Variants in NELL1 observed in about 807,000 individuals in gnomAD.
NELL1 encodes protein kinase C-binding protein NELL1.
NELL1 carries 76 observed loss-of-function variants against 107.4 expected under a neutral mutation model. That is an observed-to-expected ratio of 0.71 (90% CI 0.59 to 0.86). The LOEUF (loss-of-function observed/expected upper bound fraction) is 0.86, where lower values mean the gene tolerates loss of function less well. Among genes scored for constraint, NELL1 ranks in the 40% least tolerant of loss-of-function variants. The pLI is 0.00. For missense variants in NELL1, 1,024 were observed against 1,005.5 expected, an observed-to-expected ratio of 1.02 and a Z score of -0.25; for synonymous variants, 353 against 341.2, an observed-to-expected ratio of 1.03 and a Z score of -0.38.
At chr11:20,741,226 G>A (rs1448089509) in intron 2 of NELL1, among the ~76,000 whole-genome samples, 2 of 151,872 alleles carry the variant, frequency 1.3e-5, no homozygotes, top group Non-Finnish European at 2.9e-5. Context: ...GAGCCTTCTC[G>A]CCCCTCATAG....
intron 4 of NELL1, among the ~76,000 whole-genome samples, chr11:20,861,970 A>C (rs1848987158): frequency 1.3e-5 from 2 of 152,234 alleles, no homozygotes; most frequent in South Asian, 4.1e-4. Flanking sequence ...TGCTAATAAC[A>C]GTGGCTGAAA....
chr11:20,726,097 T>A lies in NELL1; in HGVS notation c.184+48037T>A, dbSNP rs550582830. Among the ~76,000 whole-genome samples, 5 of 152,350 alleles carry A rather than the reference T, an allele frequency of 3.3e-5. No individual in the cohort carries two copies. In the East Asian group the frequency reaches 9.6e-4, roughly 29 times the overall value. ...GATTTCGGTCTTTTTTATGACTGCA[T>A]AATATTCCATGGCACATATATACCA... On this transcript the variant is annotated intron_variant, in intron 2 of 19. Coordinates refer to ENST00000357134, the MANE Select transcript of NELL1 (RefSeq NM_006157.5).
intron 15 of NELL1, among the ~76,000 whole-genome samples, chr11:21,533,883 G>A (rs1856059925): frequency 6.6e-6 from 1 of 152,082 alleles, no homozygotes; most frequent in African/African-American, 2.4e-5. Context: ...TTATCTCAAA[G>A]CTTTGCAGGA....
chr11:21,209,652 A>G (rs1857459857), intron 13 of NELL1, among the ~76,000 whole-genome samples: 1 of 152,124 alleles, frequency 6.6e-6, no homozygotes, highest in African/African-American at 2.4e-5. Context: ...GAATTTGATT[A>G]TCTTAAGTGT....
At chr11:20,703,092 T>G (rs893753362) in intron 2 of NELL1, among the ~76,000 whole-genome samples, 1 of 152,230 alleles carries the variant, frequency 6.6e-6, no homozygotes, top group South Asian at 2.1e-4. Context: ...CAGCTCTTGC[T>G]TGTACCTCTG....
At chr11:20,836,855 A>G (rs1013966180) in intron 3 of NELL1, among the ~76,000 whole-genome samples, 5 of 152,240 alleles carry the variant, frequency 3.3e-5, no homozygotes, top group Admixed American at 1.3e-4. Context: ...CAGTGGAACT[A>G]TTGGGTGTAA....
intron 11 of NELL1, among the ~76,000 whole-genome samples, chr11:20,959,306 A>G (rs150055631): frequency 1.1e-3 from 164 of 152,338 alleles, no homozygotes; most frequent in Admixed American, 1.8e-3. Context: ...AATTTGATCC[A>G]GCATTCCCAC....
intron 15 of NELL1, among the ~76,000 whole-genome samples, chr11:21,482,543 C>T (rs1336349088): frequency 6.6e-6 from 1 of 152,142 alleles, no homozygotes; most frequent in East Asian, 1.9e-4. Context: ...AGTTGACGTA[C>T]ATGACATGTA....
At chr11:21,206,322 G>A (rs1286546522) in intron 13 of NELL1, among the ~76,000 whole-genome samples, 1 of 152,028 alleles carries the variant, frequency 6.6e-6, no homozygotes, top group African/African-American at 2.4e-5. Context: ...ATCACAGTGT[G>A]CCTTCTGCTC....
At chr11:21,063,463 T>C (rs1444276179) in intron 12 of NELL1, among the ~76,000 whole-genome samples, 1 of 152,200 alleles carries the variant, frequency 6.6e-6, no homozygotes, top group Non-Finnish European at 1.5e-5. Context: ...CCTCTAATTA[T>C]AGGCTTCTTC....
chr11:21,203,961 G>A (rs1056248852), intron 13 of NELL1, among the ~76,000 whole-genome samples: 1 of 152,170 alleles, frequency 6.6e-6, no homozygotes, highest in African/African-American at 2.4e-5. Context: ...AGCTTGTAGG[G>A]TTTCTTTAGA....
At chr11:21,132,109 G>A (rs1431538075) in intron 13 of NELL1, among the ~76,000 whole-genome samples, 1 of 152,146 alleles carries the variant, frequency 6.6e-6, no homozygotes, top group Non-Finnish European at 1.5e-5. Flanking sequence ...CAGAGCCAAG[G>A]CAGTAACATA....
At chr11:20,769,229 G>A (rs906687010) in intron 2 of NELL1, 5 of 152,470 alleles carry the variant, frequency 3.3e-5, no homozygotes, top group African/African-American at 9.7e-5. Flanking sequence ...ATGGATGAAT[G>A]TTCTTTGAGG....
At chr11:21,076,804 C>T (rs1489825951) in intron 12 of NELL1, among the ~76,000 whole-genome samples, 2 of 152,012 alleles carry the variant, frequency 1.3e-5, no homozygotes, top group African/African-American at 4.8e-5. Flanking sequence ...TAGAAAGAGC[C>T]TGGCACCTCC....
intron 13 of NELL1, among the ~76,000 whole-genome samples, chr11:21,131,373 G>A (rs1329963966): frequency 1.3e-5 from 2 of 152,180 alleles, no homozygotes; most frequent in Non-Finnish European, 2.9e-5. Flanking sequence ...AGGAAATGCG[G>A]TAGAGAGGAA....
chr11:20,885,355 C>A, intron 4 of NELL1, 89 bp from the exon 5 acceptor site: 1 of 793,074 alleles, frequency 1.3e-6, no homozygotes, highest in Non-Finnish European at 2.3e-6. Context: ...CATACAGCAG[C>A]TAATGGCATG....
At chr11:21,173,830 C>G (rs1278508325) in intron 13 of NELL1, among the ~76,000 whole-genome samples, 2 of 151,536 alleles carry the variant, frequency 1.3e-5, no homozygotes, top group African/African-American at 4.9e-5. Context: ...AAGACCTGAC[C>G]TAGTGTGGAG....
intron 14 of NELL1, among the ~76,000 whole-genome samples, chr11:21,299,667 T>C (rs959176456): frequency 6.6e-6 from 1 of 151,862 alleles, no homozygotes; most frequent in Admixed American, 6.6e-5. Context: ...AAGGGTCAGA[T>C]AGTAAACATT....
At chr11:20,860,790 G>C (rs1848964490) in intron 4 of NELL1, among the ~76,000 whole-genome samples, 1 of 152,234 alleles carries the variant, frequency 6.6e-6, no homozygotes, top group South Asian at 2.1e-4. Context: ...CATGTGGCCT[G>C]TGTCAGCGGG....
Sources: gnomAD v4.1 joint callset for allele counts (sites outside exome capture counted in the v4.1 genomes callset) on GRCh38, gnomAD v4.1.1 for gene constraint, MANE v1.5 for transcripts, NCBI Gene and HGNC (gene_info 2026-07-23, HGNC 2026-07-21) for gene names.